Variants in TRIM5 observed in about 807,000 individuals in gnomAD.
TRIM5 encodes the protein tripartite motif containing 5.
Under a neutral mutation model 35.6 loss-of-function variants are expected in TRIM5, and 31 were observed. The ratio of observed to expected loss-of-function variants is 0.87; its 90% CI spans 0.65 to 1.18. The LOEUF is 1.18. TRIM5 is among the 50% of genes most tolerant of loss of function. TRIM5 has a pLI of 0.00. For missense variants in TRIM5, 609 were observed against 591.6 expected, an observed-to-expected ratio of 1.03 and a Z score of -0.31; for synonymous variants, 243 against 215.6, an observed-to-expected ratio of 1.13 and a Z score of -1.11.
the TRIM5 span, among the ~76,000 whole-genome samples, chr11:5,618,566 A>G: frequency 6.6e-6 from 1 of 152,188 alleles, no homozygotes; most frequent in Admixed American, 6.5e-5. Context: ...ACAAAATAAA[A>G]TCATTTCATA....
rs779917188 is a variant in TRIM5 at position 5,680,197 on chromosome 11, C to T, written c.-20G>A. ...AGCCATAGTAGCTATTCCACTGCTCCTGCCTGTCCTGGCTGCTGAGGTTCC... is the reference window on the plus strand; with the variant it reads ...AGCCATAGTAGCTATTCCACTGCTCTTGCCTGTCCTGGCTGCTGAGGTTCC... On this transcript the variant is annotated 5_prime_UTR_variant, in exon 2 of 8. Transcript: ENST00000380034. The T allele has an allele frequency of 1.9e-6, 3 of 1,565,906 alleles. No individual in the cohort carries two copies. Among genetic ancestry groups the T allele is most frequent in the Non-Finnish European group, 2.6e-6 (3 of 1,153,744 alleles).
At chr11:5,623,177 A>G in the TRIM5 span, among the ~76,000 whole-genome samples, 1 of 146,952 alleles carries the variant, frequency 6.8e-6, no homozygotes, top group African/African-American at 2.5e-5. Context: ...GGTTTGCCCT[A>G]ACCAGTTCTC....
the TRIM5 span, among the ~76,000 whole-genome samples, chr11:5,620,925 C>T: frequency 6.6e-6 from 1 of 152,178 alleles, no homozygotes; most frequent in East Asian, 1.9e-4. Flanking sequence ...GCCAACTATC[C>T]TTTCTCTGCT....
At position 5,679,149 on chromosome 11, in the gene TRIM5, C is replaced by T; in HGVS notation, c.438G>A (p.Leu146=). 6.2e-7 allele frequency: 1 copy of T among 1,614,016 alleles called. No individual in the cohort carries two copies. The highest frequency in any genetic ancestry group is 1.6e-4 in the Middle Eastern group (1 of 6,062). Residue 146 remains leucine (L), a synonymous_variant, in exon 3 of 8, where the codon CTG becomes CTA. Coordinates refer to ENST00000380034, the MANE Select transcript of TRIM5 (RefSeq NM_033034.3). ...CCTGCTGCTTCTGCCTCAGCATCTC[C>T]AGAGCTGCCTGGAGCTTCACCTGTG... is the stretch of plus-strand genomic sequence containing the variant. The part of the protein sequence containing the change: ...REYQVKLQAA[L]EMLRQKQQEA...
the TRIM5 span, chr11:5,612,441 T>A: frequency 6.6e-6 from 1 of 152,110 alleles, no homozygotes; most frequent in Non-Finnish European, 1.5e-5. Context: ...TTCAAATTAA[T>A]TGCAGTAAAA....
chr11:5,656,019 A>C, the TRIM5 span, among the ~76,000 whole-genome samples: 1 of 152,246 alleles, frequency 6.6e-6, no homozygotes, highest in African/African-American at 2.4e-5. Flanking sequence ...TGGATTAAAG[A>C]CTTAAACATA....
At chr11:5,615,963 C>T in the TRIM5 span, among the ~76,000 whole-genome samples, 33,623 of 142,292 alleles carry the variant, frequency 0.24, 4,401 homozygotes, top group East Asian at 0.44. Flanking sequence ...GACGGAGTCT[C>T]GCTCTGTCTC....
At chr11:5,643,158 A>T in the TRIM5 span, 4 of 1,543,018 alleles carry the variant, frequency 2.6e-6, no homozygotes, top group Admixed American at 8.7e-5. Flanking sequence ...TGTCACACTG[A>T]ATTCAGTCAA....
the TRIM5 span, chr11:5,603,124 A>G: frequency 3.0e-5 from 44 of 1,473,028 alleles, no homozygotes; most frequent in African/African-American, 4.8e-4. Flanking sequence ...ATTGGATATG[A>G]GAATGAGAAG....
chr11:5,667,365 C>T (rs1418101241), intron 5 of TRIM5, among the ~76,000 whole-genome samples: 2 of 151,816 alleles, frequency 1.3e-5, no homozygotes, highest in Non-Finnish European at 2.9e-5. Context: ...GGCCACCACG[C>T]CCCCCTAATT....
At chr11:5,641,845 T>G in the TRIM5 span, among the ~76,000 whole-genome samples, 2 of 152,310 alleles carry the variant, frequency 1.3e-5, no homozygotes, top group Admixed American at 1.3e-4. Context: ...TTAGTTAGGT[T>G]GTCATAACTT....
chr11:5,661,846 C>T (rs1471247328), downstream of TRIM5, among the ~76,000 whole-genome samples: 1 of 152,138 alleles, frequency 6.6e-6, no homozygotes, highest in Non-Finnish European at 1.5e-5. Flanking sequence ...TGAAAAAATC[C>T]TTCAGTGTGC....
the TRIM5 span, chr11:5,610,219 T>C: frequency 1.2e-6 from 2 of 1,614,098 alleles, no homozygotes; most frequent in South Asian, 2.2e-5. Context: ...GCCCCAGATC[T>C]GAAAAGGATG....
At chr11:5,609,205 C>T in the TRIM5 span, among the ~76,000 whole-genome samples, 1 of 152,136 alleles carries the variant, frequency 6.6e-6, no homozygotes, top group Non-Finnish European at 1.5e-5. Flanking sequence ...TTGGTTCCTC[C>T]ATGCTCCTCA....
In TRIM5 at chr11:5,665,685, G is replaced by T; in HGVS notation, c.869-3C>A. On this transcript the variant is annotated splice_region_variant and splice_polypyrimidine_tract_variant and intron_variant, in intron 6 of 7. Transcript: ENST00000380034. ...GTAGCGTCGGACATCTGTCAGCTCT[G>T]AAATGATAAAAATGCACAATATTGA... 1 of 1,513,114 alleles carries T rather than the reference G, an allele frequency of 6.6e-7. No individual in the cohort carries two copies. The highest frequency in any genetic ancestry group is 1.4e-5 in the South Asian group (1 of 70,490). 93.7% of individuals were successfully genotyped at this position (1,513,114 alleles called of 1,614,324 possible).
At chr11:5,633,275 C>T in the TRIM5 span, among the ~76,000 whole-genome samples, 5 of 151,652 alleles carry the variant, frequency 3.3e-5, no homozygotes, top group East Asian at 1.9e-4. Context: ...TTCTGAGTCC[C>T]GTGATCTTCT....
chr11:5,665,250 G>A lies in TRIM5; in HGVS notation c.1041C>T (p.Gly347=). The change falls in exon 8 of 8, where the codon GGC becomes GGT. Residue 347 remains glycine (G), a synonymous_variant. Transcript: ENST00000380034. ...QTFVNFNYCT[G]ILGSQSITSG... ...ATGTGATACTTTGAGAGCCCAGGAT[G>A]CCAGTACAATAATTGAAATTCACAA... is the stretch of plus-strand genomic sequence containing the variant. 6.2e-7 allele frequency: 1 copy of A among 1,614,180 alleles called. No homozygotes were observed. Among genetic ancestry groups the A allele is most frequent in the Non-Finnish European group, 8.5e-7 (1 of 1,180,038 alleles).
At chr11:5,647,119 G>A in the TRIM5 span, among the ~76,000 whole-genome samples, 2 of 152,178 alleles carry the variant, frequency 1.3e-5, no homozygotes, top group Non-Finnish European at 2.9e-5. Flanking sequence ...GACCTTCAAA[G>A]CCTATTTCCA....
chr11:5,610,143 A>G, the TRIM5 span: 2 of 1,613,976 alleles, frequency 1.2e-6, no homozygotes, highest in African/African-American at 2.7e-5. Flanking sequence ...TGTCCTTTCT[A>G]GGAGTGAGTT....
Sources: gnomAD v4.1 joint callset for allele counts (sites outside exome capture counted in the v4.1 genomes callset) on GRCh38, gnomAD v4.1.1 for gene constraint, MANE v1.5 for transcripts, NCBI Gene and HGNC (gene_info 2026-07-23, HGNC 2026-07-21) for gene names.